The following NAV2 variants were observed in gnomAD, a reference collection of about 807,000 sequenced individuals.
NAV2 encodes neuron navigator 2.
Under a neutral mutation model 223.2 loss-of-function variants are expected in NAV2, and 54 were observed. That is an observed-to-expected ratio of 0.24 (90% CI 0.19 to 0.30). The LOEUF is 0.30. Among genes scored for constraint, NAV2 ranks in the 10% least tolerant of loss-of-function variants. The pLI is 1.00. For missense variants in NAV2, 2,806 were observed against 3,147.5 expected, an observed-to-expected ratio of 0.89 and a Z score of 2.60; for synonymous variants, 1,279 against 1,239.3, an observed-to-expected ratio of 1.03 and a Z score of -0.67.
At position 19,697,192 on chromosome 11, in the gene NAV2, C is replaced by T. The variant is rs114025746; in HGVS notation, c.76-135292C>T. Among the ~76,000 whole-genome samples, 76 of 152,306 alleles carry T rather than the reference C, an allele frequency of 5.0e-4. 1 individual carries two copies. The East Asian group carries it at 6.2e-3, about 12-fold the overall frequency. The stretch of plus-strand genomic sequence containing the variant: ...AACGTAAGAATGGAAAACCAAATAT[C>T]GCATGTTCTCACTTATAAGAGGGAG... On this transcript the variant is annotated intron_variant, in intron 1 of 37. Coordinates refer to the NAV2 transcript ENST00000360655.
At chr11:19,807,738 G>T (rs917448516) in intron 1 of NAV2, among the ~76,000 whole-genome samples, 1 of 152,202 alleles carries the variant, frequency 6.6e-6, no homozygotes, top group African/African-American at 2.4e-5. Flanking sequence ...GGTGAGCAAA[G>T]GATGTGCTCA....
At chr11:19,594,419 C>T (rs1292800368) in intron 1 of NAV2, among the ~76,000 whole-genome samples, 3 of 150,350 alleles carry the variant, frequency 2.0e-5, no homozygotes. Flanking sequence ...CTGGTTTCTA[C>T]TTCGGGGACT....
At chr11:19,615,165 A>C (rs999286166) in intron 1 of NAV2, among the ~76,000 whole-genome samples, 5 of 151,860 alleles carry the variant, frequency 3.3e-5, no homozygotes, top group Non-Finnish European at 5.9e-5. Flanking sequence ...TATGTATATT[A>C]AATATACAGA....
chr11:20,119,064 GTT>G lies in NAV2; in HGVS notation c.*822_*823del, dbSNP rs57178955. On this transcript the variant is annotated 3_prime_UTR_variant, in exon 38 of 38. Transcript: ENST00000349880. ...TCCTTCTGATATATGAATGAATCAG[GTT>G]TTTTTTTTTTTTTTTCTGCAAACAC... The G allele has an allele frequency of 0.61, 86,769 of 142,144 alleles. 28,411 individuals are homozygous for G. The highest frequency in any genetic ancestry group is 0.78 in the Middle Eastern group (220 of 282). The allele number at this position is 142,144 out of a possible 1,614,324, so 8.8% of individuals were successfully genotyped here.
chr11:20,034,351 GTT>G (rs35333298), intron 11 of NAV2, among the ~76,000 whole-genome samples: 2 of 130,816 alleles, frequency 1.5e-5, no homozygotes, highest in African/African-American at 2.7e-5. Context: ...CGATCAGCAA[GTT>G]TTTTTTTTGT....
chr11:19,349,913 C>T (rs1402276987), upstream of NAV2, among the ~76,000 whole-genome samples: 1 of 152,120 alleles, frequency 6.6e-6, no homozygotes, highest in East Asian at 1.9e-4. Flanking sequence ...TAGGCAGTTG[C>T]TTTTCGGCCC....
chr11:19,954,873 A>ATG (rs1294641087), intron 10 of NAV2, among the ~76,000 whole-genome samples: 2 of 82,456 alleles, frequency 2.4e-5, no homozygotes, highest in Non-Finnish European at 2.6e-5. Flanking sequence ...GTGTATATGC[A>ATG]TGTGTGTGTG....
At chr11:20,040,433 C>T (rs2056805246) in intron 12 of NAV2, among the ~76,000 whole-genome samples, 1 of 152,184 alleles carries the variant, frequency 6.6e-6, no homozygotes, top group South Asian at 2.1e-4. Flanking sequence ...ACCTATTTAT[C>T]ATCCATGTTT....
chr11:19,570,451 T>G (rs944416937), intron 1 of NAV2, among the ~76,000 whole-genome samples: 3 of 152,212 alleles, frequency 2.0e-5, no homozygotes, highest in Admixed American at 2.0e-4. Flanking sequence ...GTAAAATGGA[T>G]AAGTTGGACT....
rs542184937 is a variant in NAV2, at chr11:20,078,740, G to A, written c.5179+636G>A. Among the ~76,000 whole-genome samples, 8 of 152,346 alleles carry A rather than the reference G, an allele frequency of 5.3e-5. No homozygotes were observed. In the East Asian group the frequency reaches 5.8e-4, roughly 11 times the overall value. ...CCGAAAGTGCTAGGATTACGAGCATGAGCCACCATGCCCAGCCTAGGAAAA... is the reference window on the plus strand; with the variant it reads ...CCGAAAGTGCTAGGATTACGAGCATAAGCCACCATGCCCAGCCTAGGAAAA... On this transcript the variant is annotated intron_variant, in intron 24 of 37. Transcript: ENST00000349880.
At chr11:19,685,142 C>G (rs768047425) in intron 1 of NAV2, among the ~76,000 whole-genome samples, 17 of 152,192 alleles carry the variant, frequency 1.1e-4, no homozygotes, top group Non-Finnish European at 2.1e-4. Context: ...TCCAGCGAAT[C>G]CCAGACCTTC....
At chr11:19,975,707 C>G (rs1822275) in intron 10 of NAV2, among the ~76,000 whole-genome samples, 76,811 of 152,082 alleles carry the variant, frequency 0.51, 21,901 homozygotes, top group Middle Eastern at 0.67. Flanking sequence ...TGCCATGAGC[C>G]ACTGCGGAAT....
At chr11:19,897,904 A>ATATATATATGTG (rs1268441003) in intron 6 of NAV2, among the ~76,000 whole-genome samples, 1 of 147,678 alleles carries the variant, frequency 6.8e-6, no homozygotes, top group African/African-American at 2.6e-5. Context: ...ATATATATAT[A>ATATATATATGTG]TGTGAGCAGA....
intron 1 of NAV2, among the ~76,000 whole-genome samples, chr11:19,420,547 A>G (rs1850567063): frequency 6.6e-6 from 1 of 152,256 alleles, no homozygotes; most frequent in Non-Finnish European, 1.5e-5. Context: ...GTCTGTTTAT[A>G]CAGTGGACTA....
chr11:20,015,917 G>C (rs76234355), intron 11 of NAV2, among the ~76,000 whole-genome samples: 8,048 of 152,238 alleles, frequency 0.053, 297 homozygotes, highest in South Asian at 0.12. Flanking sequence ...TGACCTGGAG[G>C]TGTTCACTCC....
intron 1 of NAV2, among the ~76,000 whole-genome samples, chr11:19,604,764 C>T (rs2046437139): frequency 6.6e-6 from 1 of 152,142 alleles, no homozygotes; most frequent in African/African-American, 2.4e-5. Context: ...CTGCAATTCC[C>T]ATGTGTCGTG....
chr11:19,366,869 T>C (rs770484177), intron 1 of NAV2, among the ~76,000 whole-genome samples: 19 of 152,198 alleles, frequency 1.2e-4, no homozygotes, highest in Non-Finnish European at 2.2e-4. Flanking sequence ...AAGTATTAAA[T>C]AGGTAACTAG....
rs1316654927 is a variant in NAV2 at position 19,520,664 on chromosome 11, A to T, written c.75+169637A>T. 2.0e-5 allele frequency among the ~76,000 whole-genome samples: 3 copies of T among 152,288 alleles called. No homozygotes were observed. In the East Asian group the frequency reaches 5.8e-4, roughly 29 times the overall value. ...CCCTATCTTTGGAGACCCTAAGCTAAGGCCTCTCATAGAGGACATGAGCTC... is the reference window on the plus strand; with the variant it reads ...CCCTATCTTTGGAGACCCTAAGCTATGGCCTCTCATAGAGGACATGAGCTC... On this transcript the variant is annotated intron_variant, in intron 1 of 37. Transcript: ENST00000360655.
intron 1 of NAV2, among the ~76,000 whole-genome samples, chr11:19,823,079 G>C (rs1041905022): frequency 2.0e-5 from 3 of 152,116 alleles, no homozygotes; most frequent in Admixed American, 6.5e-5. Context: ...ACAGGGTCTC[G>C]CTCTGTTACT....
Sources: allele counts gnomAD v4.1 joint callset (sites outside exome capture counted in the v4.1 genomes callset), GRCh38; gene constraint gnomAD v4.1.1; transcripts MANE v1.5; gene names NCBI Gene and HGNC (gene_info 2026-07-23, HGNC 2026-07-21).